CTNNAL1: variants seen among roughly 807,000 people sequenced by gnomAD.
CTNNAL1 encodes the protein alpha-catulin.
In CTNNAL1, 69 loss-of-function variants were observed where a neutral mutation model predicts 93.6. The ratio of observed to expected loss-of-function variants is 0.74; its 90% CI spans 0.61 to 0.90. CTNNAL1 has a LOEUF of 0.90. Among genes scored for constraint, CTNNAL1 ranks in the 40% least tolerant of loss-of-function variants. The probability of loss-of-function intolerance (pLI) is 0.00; values close to 1 mark genes in which losing one functional copy is unlikely to be tolerated. For missense variants in CTNNAL1, 836 were observed against 862.0 expected (o/e 0.97, Z 0.38); for synonymous variants, 286 against 305.4 (o/e 0.94, Z 0.66).
intron 15 of CTNNAL1, among the ~76,000 whole-genome samples, chr9:108,945,334 A>G (rs1482972493): frequency 1.3e-5 from 2 of 152,136 alleles, no homozygotes; most frequent in African/African-American, 2.4e-5. Context: ...CTAAATTATA[A>G]TATCTAAGTT....
chr9:108,964,051 T>C (rs1296349817), intron 11 of CTNNAL1, among the ~76,000 whole-genome samples: 4 of 152,236 alleles, frequency 2.6e-5, no homozygotes, highest in Non-Finnish European at 5.9e-5. Context: ...TCCCTAAGGC[T>C]AAGTGACCAC....
chr9:109,001,855 G>C (rs906213744), intron 1 of CTNNAL1, among the ~76,000 whole-genome samples: 1 of 152,156 alleles, frequency 6.6e-6, no homozygotes, highest in Non-Finnish European at 1.5e-5. Context: ...GAAACCATAA[G>C]ATAATGTTTG....
At chr9:108,962,926 T>C (rs1396267372) in intron 11 of CTNNAL1, among the ~76,000 whole-genome samples, 1 of 152,222 alleles carries the variant, frequency 6.6e-6, no homozygotes, top group Non-Finnish European at 1.5e-5. Flanking sequence ...GATTGGAACC[T>C]AGGCAGTCCA....
chr9:108,942,959 A>T lies in CTNNAL1; in HGVS notation c.2139+2T>A. The T allele has an allele frequency of 6.2e-7, 1 of 1,611,726 alleles. No homozygotes were observed. The highest frequency in any genetic ancestry group is 1.1e-5 in the South Asian group (1 of 90,246). On this transcript the variant is annotated splice_donor_variant, in intron 18 of 18. Transcript: ENST00000325551. LOFTEE classifies it high-confidence loss of function. ...GAGTCTAAAATAGAAAAACTACCTC[A>T]CCTTCTTCAGCAGTTTATAACAAAG...
At position 108,974,892 on chromosome 9, in the gene CTNNAL1, A is replaced by T. The variant is rs185679870; in HGVS notation, c.1189-2059T>A. Among the ~76,000 whole-genome samples, 271 of 152,216 alleles carry T rather than the reference A, an allele frequency of 1.8e-3. 2 individuals carry two copies. The highest frequency in any genetic ancestry group is 5.7e-3 in the African/African-American group (235 of 41,530). On this transcript the variant is annotated intron_variant, in intron 8 of 18. Coordinates refer to ENST00000325551, the MANE Select transcript of CTNNAL1 (RefSeq NM_003798.4). Reference sequence around the variant, plus strand: ...TTGACCGTCTTCAAGAATATAAAGGAATTAAGCCTGGGTGCAGTGGCTCAC... The same window carrying T: ...TTGACCGTCTTCAAGAATATAAAGGTATTAAGCCTGGGTGCAGTGGCTCAC...
In CTNNAL1 at chr9:109,013,378, G is replaced by C; in HGVS notation, c.65C>G (p.Ser22Trp). 2.0e-6 allele frequency: 3 copies of C among 1,513,094 alleles called. No homozygotes were observed. The highest frequency in any genetic ancestry group is 2.5e-5 in the South Asian group (2 of 80,240). 93.7% of individuals were successfully genotyped at this position (1,513,094 alleles called of 1,614,324 possible). Residue 22 changes from serine to tryptophan, a missense_variant, in exon 1 of 19, where the codon TCG becomes TGG. By Grantham distance (177) the Ser-to-Trp change is radical. Coordinates refer to ENST00000325551, the MANE Select transcript of CTNNAL1 (RefSeq NM_003798.4). ...GAGAVYGSGS[S>W]GFALDSGLEI... The stretch of plus-strand genomic sequence containing the variant: ...CAGTCCCGAGTCGAGGGCGAAGCCC[G>C]AAGAGCCGGAGCCGTAGACTGCTCC...
chr9:108,969,258 A>T (rs1032664228), intron 10 of CTNNAL1, among the ~76,000 whole-genome samples: 1 of 150,394 alleles, frequency 6.6e-6, no homozygotes, highest in Non-Finnish European at 1.5e-5. Flanking sequence ...CGACAGAGCT[A>T]GACTCCGTCT....
chr9:108,952,356 G>T lies in CTNNAL1; in HGVS notation c.1688C>A (p.Ala563Asp). 6.2e-7 allele frequency: 1 copy of T among 1,614,074 alleles called. No homozygotes were observed. Among genetic ancestry groups the T allele is most frequent in the Non-Finnish European group, 8.5e-7 (1 of 1,180,028 alleles). The change falls in exon 14 of 19, where the codon GCC becomes GAC. Residue 563 changes from alanine (A) to aspartate (D), a missense_variant. Ala to Asp is a moderately radical substitution (Grantham distance 126, BLOSUM62 -2). Transcript: ENST00000325551. The stretch of plus-strand genomic sequence containing the variant: ...CTTAAGTCCAAGCTTTGCTATCTTG[G>T]CTTGCTCCTATGAAACAGACGTTTT... ...KPDKPDSEEQ[A>D]KIAKLGLKLG... is the part of the protein sequence containing the mutation.
chr9:108,966,260 C>A (rs1325178297), intron 10 of CTNNAL1, among the ~76,000 whole-genome samples: 1 of 152,288 alleles, frequency 6.6e-6, no homozygotes, highest in East Asian at 1.9e-4. Flanking sequence ...CAGAAATCAT[C>A]CTGGTACTTT....
At chr9:108,975,383 A>G (rs1216201146) in intron 8 of CTNNAL1, among the ~76,000 whole-genome samples, 2 of 152,044 alleles carry the variant, frequency 1.3e-5, no homozygotes, top group Non-Finnish European at 2.9e-5. Context: ...CCACTAAGGT[A>G]TCCATGAGAG....
At chr9:108,972,864 G>GGGGGGGGGCGCCCCC in intron 8 of CTNNAL1, 31 bp from the exon 9 acceptor site, 1 of 142,580 alleles carries the variant, frequency 7.0e-6, no homozygotes. Flanking sequence ...GGGGGGGTGG[G>GGGGGGGGGCGCCCCC]AGGGTGGAGA....
In CTNNAL1 at chr9:108,945,628, GTT is replaced by G. The variant is rs11287261; in HGVS notation, c.1885-1612_1885-1611del. ...AGGTGTGTGCCACCATGCCCCGCTA[GTT>G]TTTTTTTTTTTTGTTTTGTTTTTTT... On this transcript the variant is annotated intron_variant, in intron 15 of 18. Coordinates refer to ENST00000325551, the MANE Select transcript of CTNNAL1 (RefSeq NM_003798.4). Among the ~76,000 whole-genome samples, 118 of 140,408 alleles carry G rather than the reference GTT, an allele frequency of 8.4e-4. 1 individual carries two copies. Among genetic ancestry groups the G allele is most frequent in the South Asian group, 5.3e-3 (24 of 4,502 alleles). 92.1% of individuals were successfully genotyped at this position (140,408 alleles called of 152,430 possible).
At chr9:108,971,971 A>G (rs187455964) in intron 9 of CTNNAL1, among the ~76,000 whole-genome samples, 7 of 152,032 alleles carry the variant, frequency 4.6e-5, no homozygotes, top group Middle Eastern at 3.4e-3. Context: ...GCCCTGGGAG[A>G]CTGACTTATA....
chr9:108,946,916 T>C (rs1830419631), intron 15 of CTNNAL1, among the ~76,000 whole-genome samples: 1 of 150,600 alleles, frequency 6.6e-6, no homozygotes, highest in Admixed American at 6.6e-5. Context: ...TGGGCCAAAC[T>C]GAAAAAAAAA....
intron 1 of CTNNAL1, among the ~76,000 whole-genome samples, chr9:109,002,345 C>T (rs929265232): frequency 2.0e-5 from 3 of 152,138 alleles, no homozygotes; most frequent in Non-Finnish European, 4.4e-5. Context: ...CTCTTAATAC[C>T]ATCATTATGA....
intron 8 of CTNNAL1, among the ~76,000 whole-genome samples, chr9:108,975,429 C>T (rs1831240710): frequency 6.6e-6 from 1 of 152,090 alleles, no homozygotes; most frequent in Non-Finnish European, 1.5e-5. Flanking sequence ...AAGCCCAAAG[C>T]CATTTGATAA....
intron 2 of CTNNAL1, among the ~76,000 whole-genome samples, chr9:108,995,361 G>A (rs551057438): frequency 4.6e-4 from 70 of 152,098 alleles, no homozygotes; most frequent in Non-Finnish European, 8.2e-4. Flanking sequence ...CGACATATAA[G>A]CCTGCACATA....
chr9:108,971,239 G>T (rs1831108332), intron 9 of CTNNAL1, among the ~76,000 whole-genome samples: 1 of 152,086 alleles, frequency 6.6e-6, no homozygotes, highest in African/African-American at 2.4e-5. Flanking sequence ...TTAGTCTAAA[G>T]GTTCCTTCTA....
In CTNNAL1 at chr9:109,013,410, G is replaced by A. The variant is rs1264701280; in HGVS notation, c.33C>T (p.Gly11=). 3 of 1,487,708 alleles carry A rather than the reference G, an allele frequency of 2.0e-6. No individual in the cohort carries two copies. Among genetic ancestry groups the A allele is most frequent in the East Asian group, 5.9e-5 (2 of 34,000 alleles). The allele number at this position is 1,487,708 out of a possible 1,614,324, so 92.2% of individuals were successfully genotyped here. The change falls in exon 1 of 19, where the codon GGC becomes GGT. Residue 11 remains glycine (G), a synonymous_variant. Transcript: ENST00000325551. ...CGGAGCCGTAGACTGCTCCGGCGCC[G>A]CCAACGCCGGCGGGTCCGGGAGAGG... is the stretch of plus-strand genomic sequence containing the variant. The part of the protein sequence containing the change: MAASPGPAGV[G]GAGAVYGSGS...
Sources: gnomAD v4.1 joint callset for allele counts (sites outside exome capture counted in the v4.1 genomes callset) on GRCh38, gnomAD v4.1.1 for gene constraint, MANE v1.5 for transcripts, NCBI Gene and HGNC (gene_info 2026-07-23, HGNC 2026-07-21) for gene names.